The following ARHGAP32 variants were observed in gnomAD, a reference collection of about 807,000 sequenced individuals.
ARHGAP32 encodes rho GTPase-activating protein 32.
A neutral mutation model predicts 186.5 loss-of-function variants in ARHGAP32; 51 were observed. The observed-to-expected ratio is 0.27, with a 90% CI of 0.22 to 0.35. ARHGAP32 has a LOEUF of 0.35. Ranked by LOEUF, ARHGAP32 falls within the 10% of genes least tolerant of loss-of-function variation. The pLI is 1.00. For missense variants in ARHGAP32, 2,186 were observed against 2,623.5 expected, an observed-to-expected ratio of 0.83 and a Z score of 3.64; for synonymous variants, 950 against 964.3, an observed-to-expected ratio of 0.99 and a Z score of 0.27.
intron 1 of ARHGAP32, among the ~76,000 whole-genome samples, chr11:129,245,895 C>A (rs191919231): frequency 3.0e-4 from 45 of 152,028 alleles, no homozygotes; most frequent in African/African-American, 9.4e-4. Flanking sequence ...AGCTACTATG[C>A]CTAAATAATT....
At chr11:129,107,157 A>G (rs564708108) in intron 5 of ARHGAP32, among the ~76,000 whole-genome samples, 6 of 152,330 alleles carry the variant, frequency 3.9e-5, no homozygotes, top group Admixed American at 1.3e-4. Context: ...GGGATGATAC[A>G]TTTAAAATAC....
In ARHGAP32 at chr11:129,164,108, A is replaced by C. The variant is rs181458902; in HGVS notation, c.225+211T>G. ...ATATAATTAGCACCTATCCTTTCAC[A>C]CTGTATTTTTACCACTCTGTAACCC... On this transcript the variant is annotated intron_variant, in intron 2 of 22. Transcript: ENST00000682385. Among the ~76,000 whole-genome samples the C allele has an allele frequency of 1.2e-3, 183 of 151,980 alleles. 1 individual carries two copies. Among genetic ancestry groups the C allele is most frequent in the African/African-American group, 3.7e-3 (154 of 41,450 alleles).
chr11:129,079,919 G>A (rs1166355157), intron 6 of ARHGAP32, among the ~76,000 whole-genome samples: 2 of 150,646 alleles, frequency 1.3e-5, no homozygotes, highest in Admixed American at 6.6e-5. Context: ...GATATTCCAT[G>A]CAAAGGGACA....
At chr11:129,268,591 G>A (rs1945435056) in intron 1 of ARHGAP32, among the ~76,000 whole-genome samples, 1 of 123,136 alleles carries the variant, frequency 8.1e-6, no homozygotes, top group South Asian at 2.8e-4. Context: ...CAAAACCAAA[G>A]TTACACCCTG....
intron 2 of ARHGAP32, among the ~76,000 whole-genome samples, chr11:129,146,252 C>T (rs547622302): frequency 1.3e-5 from 2 of 152,136 alleles, no homozygotes; most frequent in Admixed American, 1.3e-4. Context: ...TAAATTTCAC[C>T]TTATCTATGA....
chr11:129,112,547 A>T, intron 5 of ARHGAP32, among the ~76,000 whole-genome samples: 1 of 151,996 alleles, frequency 6.6e-6, no homozygotes, highest in East Asian at 1.9e-4. Context: ...TGGCTGCTTC[A>T]TGGTACATTA....
chr11:129,044,980 T>G (rs780082188), intron 10 of ARHGAP32, among the ~76,000 whole-genome samples: 65 of 152,302 alleles, frequency 4.3e-4, no homozygotes, highest in Non-Finnish European at 8.4e-4. Flanking sequence ...ATACATTAGT[T>G]ACATTTTCAC....
At chr11:129,092,705 A>G (rs1941612830) in intron 6 of ARHGAP32, among the ~76,000 whole-genome samples, 1 of 151,996 alleles carries the variant, frequency 6.6e-6, no homozygotes, top group Non-Finnish European at 1.5e-5. Context: ...GGTGACCACA[A>G]CTAAAAACTT....
intron 1 of ARHGAP32, among the ~76,000 whole-genome samples, chr11:129,269,574 A>G (rs1353849661): frequency 6.6e-6 from 1 of 152,128 alleles, no homozygotes; most frequent in Non-Finnish European, 1.5e-5. Context: ...AAAAATTACA[A>G]AAATTAGCCC....
chr11:129,192,030 C>T lies in ARHGAP32; in HGVS notation c.116+53G>A, dbSNP rs137994495. On this transcript the variant is annotated intron_variant, in intron 1 of 22. Coordinates refer to ENST00000682385, the MANE Select transcript of ARHGAP32 (RefSeq NM_001378024.1). ...GAAATGCAGAGAAGAAAAAGGGGTG[C>T]GGGTGGGGGTAGGGAGTGGACAGGA... is the stretch of plus-strand genomic sequence containing the variant. 26 of 1,271,374 alleles carry T rather than the reference C, an allele frequency of 2.0e-5. No individual in the cohort carries two copies. In the Admixed American group the frequency reaches 2.7e-4, roughly 13 times the overall value. 78.8% of individuals were successfully genotyped at this position (1,271,374 alleles called of 1,614,324 possible).
intron 1 of ARHGAP32, among the ~76,000 whole-genome samples, chr11:129,182,243 A>C (rs986071804): frequency 3.3e-5 from 5 of 152,144 alleles, no homozygotes; most frequent in African/African-American, 9.6e-5. Flanking sequence ...TTGTGCATTT[A>C]TATGTCATTC....
chr11:129,233,780 T>G (rs1319025537), intron 1 of ARHGAP32, among the ~76,000 whole-genome samples: 3 of 152,074 alleles, frequency 2.0e-5, no homozygotes, highest in African/African-American at 7.2e-5. Context: ...AGTGATATAC[T>G]TTTTATATAA....
intron 12 of ARHGAP32, among the ~76,000 whole-genome samples, chr11:128,989,214 T>C (rs766322621): frequency 2.6e-5 from 4 of 152,250 alleles, no homozygotes; most frequent in Non-Finnish European, 5.9e-5. Context: ...TGTCAGATCC[T>C]ATAACAACAT....
intron 1 of ARHGAP32, among the ~76,000 whole-genome samples, chr11:129,259,569 TA>T (rs71057940): frequency 3.4e-3 from 479 of 141,226 alleles, no homozygotes; most frequent in Middle Eastern, 7.3e-3. Context: ...TTAAGCAATG[TA>T]AAAAAAAAAA....
At position 128,978,834 on chromosome 11, in the gene ARHGAP32, A is replaced by C; in HGVS notation, c.2058T>G (p.Val686=). ...CATTCCGCTGCAGCTTTCGTTTAGA[A>C]ACAGATGATGATTTCCCCAAGTTGA... ...SFFNLGKSSS[V]SKRKLQRNES... is the part of the protein sequence containing the mutation. Residue 686 remains valine, a synonymous_variant, in exon 19 of 23, where the codon GTT becomes GTG. Transcript: ENST00000682385. The C allele has an allele frequency of 2.5e-6, 4 of 1,613,270 alleles. No individual in the cohort carries two copies. Among genetic ancestry groups the C allele is most frequent in the Non-Finnish European group, 3.4e-6 (4 of 1,179,662 alleles).
intron 1 of ARHGAP32, among the ~76,000 whole-genome samples, chr11:129,212,725 A>G (rs1445260034): frequency 6.6e-6 from 1 of 152,200 alleles, no homozygotes; most frequent in African/African-American, 2.4e-5. Context: ...GGTCTGCAAA[A>G]CTTCATAGCA....
At chr11:129,043,496 C>A (rs1207314525) in intron 10 of ARHGAP32, among the ~76,000 whole-genome samples, 1 of 150,186 alleles carries the variant, frequency 6.7e-6, no homozygotes, top group South Asian at 2.1e-4. Context: ...AAACGATTCT[C>A]CTGCCTCAGC....
chr11:129,071,524 G>A (rs1007904811), intron 6 of ARHGAP32, among the ~76,000 whole-genome samples: 5 of 151,980 alleles, frequency 3.3e-5, no homozygotes, highest in African/African-American at 9.7e-5. Context: ...TCTTGCATCC[G>A]TCAAAATGGC....
At chr11:129,191,307 T>C (rs1310494578) in intron 1 of ARHGAP32, among the ~76,000 whole-genome samples, 1 of 101,820 alleles carries the variant, frequency 9.8e-6, no homozygotes, top group African/African-American at 2.8e-5. Flanking sequence ...CTCAAAGGTA[T>C]TACATCGCTA....
Sources: gnomAD v4.1 joint callset for allele counts (sites outside exome capture counted in the v4.1 genomes callset) on GRCh38, gnomAD v4.1.1 for gene constraint, MANE v1.5 for transcripts, NCBI Gene and HGNC (gene_info 2026-07-23, HGNC 2026-07-21) for gene names.